The following SMAP1 variants were observed in gnomAD, a reference collection of about 807,000 sequenced individuals.
The protein encoded by SMAP1 is small ArfGAP 1.
A neutral mutation model predicts 58.5 loss-of-function variants in SMAP1; 24 were observed. The observed-to-expected ratio is 0.41, with a 90% CI of 0.30 to 0.58. The LOEUF (loss-of-function observed/expected upper bound fraction) is 0.58, where lower values mean the gene tolerates loss of function less well. SMAP1 is among the 20% of genes least tolerant of loss of function. SMAP1 has a pLI of 0.29. For synonymous variants in SMAP1, 216 were observed against 196.6 expected (o/e 1.10, Z -0.82); for missense variants, 563 against 566.3 (o/e 0.99, Z 0.06).
intron 5 of SMAP1, among the ~76,000 whole-genome samples, chr6:70,797,900 C>T (rs114388040): frequency 3.9e-5 from 6 of 152,072 alleles, no homozygotes; most frequent in African/African-American, 7.2e-5. Flanking sequence ...AAATGCCTTA[C>T]GAATGCTCTT....
intron 6 of SMAP1, among the ~76,000 whole-genome samples, chr6:70,820,096 A>G (rs1029150026): frequency 1.3e-5 from 2 of 152,304 alleles, no homozygotes; most frequent in East Asian, 1.9e-4. Flanking sequence ...GTTTGGAGCT[A>G]TAGGGATGTG....
chr6:70,747,032 C>G (rs1766072476), intron 2 of SMAP1, among the ~76,000 whole-genome samples: 1 of 151,994 alleles, frequency 6.6e-6, no homozygotes, highest in African/African-American at 2.4e-5. Context: ...TTTTATTGCA[C>G]ATAATATTTT....
intron 1 of SMAP1, among the ~76,000 whole-genome samples, chr6:70,701,115 G>A (rs1446014560): frequency 1.3e-5 from 2 of 152,144 alleles, no homozygotes; most frequent in Non-Finnish European, 2.9e-5. Flanking sequence ...GAGTGGTGAT[G>A]CAAGCACTCC....
intron 10 of SMAP1, chr6:70,859,202 C>G (rs1411158586): frequency 1.7e-6 from 1 of 598,228 alleles, no homozygotes; most frequent in East Asian, 2.9e-5. Flanking sequence ...TGGTCTCTAC[C>G]CGCTGGGAAT....
intron 1 of SMAP1, chr6:70,668,581 G>A: frequency 6.5e-7 from 1 of 1,535,588 alleles, no homozygotes; most frequent in Non-Finnish European, 8.7e-7. Flanking sequence ...TCTACCCTCC[G>A]GTGTGACCAC....
chr6:70,856,079 C>A (rs182939281), intron 8 of SMAP1, among the ~76,000 whole-genome samples: 2 of 152,250 alleles, frequency 1.3e-5, no homozygotes, highest in East Asian at 3.9e-4. Flanking sequence ...TACTAGTCTT[C>A]ATAGAATTCT....
chr6:70,858,422 T>C, intron 10 of SMAP1, 193 bp downstream of exon 10: 1 of 520,796 alleles, frequency 1.9e-6, no homozygotes, highest in Non-Finnish European at 3.2e-6. Context: ...TGATGTGTTA[T>C]TATCGCTATT....
At chr6:70,737,311 T>A (rs918898074) in intron 2 of SMAP1, among the ~76,000 whole-genome samples, 5 of 151,880 alleles carry the variant, frequency 3.3e-5, no homozygotes, top group African/African-American at 1.2e-4. Flanking sequence ...CTGGCTAAAT[T>A]TTTTTTTGTA....
chr6:70,683,724 A>G (rs569813056), intron 1 of SMAP1, among the ~76,000 whole-genome samples: 2 of 152,288 alleles, frequency 1.3e-5, no homozygotes, highest in Admixed American at 6.5e-5. Context: ...TTTCAGATCT[A>G]TATCTATATA....
chr6:70,804,295 C>T (rs1419360229), intron 6 of SMAP1, among the ~76,000 whole-genome samples: 1 of 150,100 alleles, frequency 6.7e-6, no homozygotes, highest in Non-Finnish European at 1.5e-5. Flanking sequence ...TTATCAGAGA[C>T]TAGGATTGCA....
At chr6:70,785,929 G>T (rs1432638888) in intron 4 of SMAP1, among the ~76,000 whole-genome samples, 2 of 152,044 alleles carry the variant, frequency 1.3e-5, no homozygotes, top group East Asian at 3.9e-4. Context: ...AGAAAAAGAG[G>T]GAATCCTCCC....
chr6:70,716,503 T>C (rs999660769), intron 1 of SMAP1, among the ~76,000 whole-genome samples: 3 of 152,136 alleles, frequency 2.0e-5, no homozygotes, highest in African/African-American at 7.2e-5. Flanking sequence ...AGTATCTGTA[T>C]TGGTCTGTGG....
intron 3 of SMAP1, among the ~76,000 whole-genome samples, chr6:70,757,621 CT>C (rs1470601809): frequency 2.6e-5 from 4 of 151,994 alleles, no homozygotes; most frequent in Non-Finnish European, 5.9e-5. Flanking sequence ...ACCTACTCAT[CT>C]GACAGAGGGC....
intron 1 of SMAP1, among the ~76,000 whole-genome samples, chr6:70,702,641 CTT>C (rs200336798): frequency 9.0e-5 from 13 of 144,468 alleles, no homozygotes; most frequent in Admixed American, 2.1e-4. Context: ...TCTTCTTCTT[CTT>C]TTTTTTTTTT....
intron 5 of SMAP1, among the ~76,000 whole-genome samples, chr6:70,797,093 C>A (rs1768637647): frequency 6.6e-6 from 1 of 152,068 alleles, no homozygotes; most frequent in African/African-American, 2.4e-5. Flanking sequence ...TTTAGAATTT[C>A]CCTGTTCTTA....
At chr6:70,845,897 C>G (rs761468762) in intron 7 of SMAP1, among the ~76,000 whole-genome samples, 7 of 152,132 alleles carry the variant, frequency 4.6e-5, no homozygotes, top group African/African-American at 7.2e-5. Context: ...TGTACTTGTT[C>G]AACTGGAAAG....
intron 2 of SMAP1, among the ~76,000 whole-genome samples, chr6:70,751,552 T>TA (rs1319419494): frequency 3.3e-5 from 5 of 151,766 alleles, no homozygotes; most frequent in African/African-American, 1.2e-4. Flanking sequence ...TCCTCCCCTT[T>TA]CTTTTTTCAT....
At chr6:70,862,006 G>C, downstream of SMAP1, 1 of 1,541,094 alleles carries the variant, frequency 6.5e-7, no homozygotes, top group East Asian at 2.3e-5. Flanking sequence ...AAAAAAAAGA[G>C]ACTTTAAAAT....
chr6:70,671,788 G>A (rs573294127), intron 1 of SMAP1, among the ~76,000 whole-genome samples: 1 of 152,236 alleles, frequency 6.6e-6, no homozygotes, highest in Non-Finnish European at 1.5e-5. Flanking sequence ...TCATTTTGTA[G>A]CATGTGTCGG....
Sources: gnomAD v4.1 joint callset for allele counts (sites outside exome capture counted in the v4.1 genomes callset) on GRCh38, gnomAD v4.1.1 for gene constraint, MANE v1.5 for transcripts, NCBI Gene and HGNC (gene_info 2026-07-23, HGNC 2026-07-21) for gene names.